LRTM2: variants seen among roughly 807,000 people sequenced by gnomAD.
LRTM2 encodes the protein leucine rich repeat transmembrane protein 2.
A neutral mutation model predicts 28.1 loss-of-function variants in LRTM2; 18 were observed. That is an observed-to-expected ratio of 0.64 (90% CI 0.44 to 0.95). LRTM2 has a LOEUF of 0.95. LRTM2 is among the 40% of genes least tolerant of loss of function. The pLI is 0.00. For synonymous variants in LRTM2, 250 were observed against 218.7 expected, an observed-to-expected ratio of 1.14 and a Z score of -1.26; for missense variants, 436 against 497.2, an observed-to-expected ratio of 0.88 and a Z score of 1.17.
chr12:1,831,397 A>C lies in LRTM2; in HGVS notation c.530A>C (p.Gln177Pro). Reference protein sequence around the residue: ...RSLSLRSNRLQNLDRLTFEPL... With the variant: ...RSLSLRSNRLPNLDRLTFEPL... ...CTCTCGCTTCGCTCCAACCGTCTGC[A>C]GAATCTGGACCGGCTGACATTTGAA... Residue 177 changes from glutamine to proline, a missense_variant, in exon 4 of 5, where the codon CAG becomes CCG. Physicochemically the swap from Gln to Pro is moderately conservative, Grantham distance 76. Transcript: ENST00000299194. The C allele has an allele frequency of 6.2e-7, 1 of 1,614,122 alleles. No homozygotes were observed. The highest frequency in any genetic ancestry group is 1.1e-5 in the South Asian group (1 of 91,078).
At position 1,833,367 on chromosome 12, in the gene LRTM2, G is replaced by C. The variant is rs1446281624; in HGVS notation, c.659-900G>C. Among the ~76,000 whole-genome samples the C allele has an allele frequency of 6.6e-6, 1 of 152,152 alleles. No homozygotes were observed. The highest frequency in any genetic ancestry group is 6.5e-5 in the Admixed American group (1 of 15,282). On this transcript the variant is annotated intron_variant, in intron 4 of 4. Transcript: ENST00000299194. The surrounding 1 kb of genome is among the most constrained non-coding windows in gnomAD (Gnocchi z 4.2). Reference sequence around the variant, plus strand: ...GCCAGAATCCAACTTTCACTTCCTAGGGGAGGTCTAGACAGATTATTGTCC... The same window carrying C: ...GCCAGAATCCAACTTTCACTTCCTACGGGAGGTCTAGACAGATTATTGTCC...
At chr12:1,827,832 A>T in intron 2 of LRTM2, 2 of 338,714 alleles carry the variant, frequency 5.9e-6, no homozygotes, top group Non-Finnish European at 1.1e-5. Flanking sequence ...CCATGGGTGC[A>T]CCCCCAGCTT....
intron 1 of LRTM2, among the ~76,000 whole-genome samples, chr12:1,824,973 TG>T (rs1294005112): frequency 2.6e-5 from 4 of 152,236 alleles, no homozygotes; most frequent in Admixed American, 2.6e-4. Context: ...CAGGATTAGC[TG>T]CTAAGAGAGC....
At position 1,830,955 on chromosome 12, in the gene LRTM2, C is replaced by T. The variant is rs369692431; in HGVS notation, c.88C>T (p.Leu30=). The T allele has an allele frequency of 2.2e-5, 36 of 1,610,480 alleles. No homozygotes were observed. In the African/African-American group the frequency reaches 3.9e-4, roughly 17 times the overall value. The part of the protein sequence containing the change: ...QVSWITCWIA[L]YAVEALPTCP... ...CCAAGGGATCACCTGCTGGATCGCC[C>T]TGTATGCTGTGGAGGCCCTCCCCAC... Residue 30 remains leucine (L), a synonymous_variant, in exon 4 of 5, where the codon CTG becomes TTG. Coordinates refer to ENST00000299194, the MANE Select transcript of LRTM2 (RefSeq NM_001039029.3).
intron 1 of LRTM2, among the ~76,000 whole-genome samples, chr12:1,821,085 G>A (rs932672098): frequency 3.3e-5 from 5 of 152,308 alleles, no homozygotes; most frequent in Admixed American, 6.5e-5. Flanking sequence ...CAGCGCTGGC[G>A]CCAGATGACA....
Position 1,834,710 on chromosome 12 carries a change from T to C in LRTM2, c.1102T>C (p.Ser368Pro). The change falls in exon 5 of 5, where the codon TCT becomes CCT. Residue 368 changes from serine to proline, a missense_variant. Coordinates refer to ENST00000299194, the MANE Select transcript of LRTM2 (RefSeq NM_001039029.3). The surrounding 1 kb of genome is among the most constrained non-coding windows in gnomAD (Gnocchi z 7.6). ...GEHEDQKQISSVA is the reference protein window; with the variant it reads ...GEHEDQKQISPVA ...GCACGAGGACCAGAAGCAGATCTCT[T>C]CTGTGGCCTGAGCGCCCATCCCCAC... The C allele has an allele frequency of 6.3e-7, 1 of 1,593,192 alleles. No homozygotes were observed. The highest frequency in any genetic ancestry group is 1.3e-5 in the African/African-American group (1 of 74,716).
In LRTM2 at chr12:1,829,137, GC is replaced by G. The variant is rs1416125302; in HGVS notation, c.67+923del. 4.6e-5 allele frequency among the ~76,000 whole-genome samples: 7 copies of G among 152,176 alleles called. No individual in the cohort carries two copies. Among genetic ancestry groups the G allele is most frequent in the African/African-American group, 7.2e-5 (3 of 41,420 alleles). On this transcript the variant is annotated intron_variant, in intron 3 of 4. Transcript: ENST00000299194. The surrounding 1 kb of genome is among the most constrained non-coding windows in gnomAD (Gnocchi z 4.2). ...GGGCTTATGTTTTCTTGTCACTGGA[GC>G]TTTTATGCCACCTTGATCTCCAGGG...
chr12:1,821,450 T>C (rs1336425843), intron 1 of LRTM2, among the ~76,000 whole-genome samples: 2 of 152,138 alleles, frequency 1.3e-5, no homozygotes, highest in Non-Finnish European at 2.9e-5. Context: ...AGGGTGAGGC[T>C]GGGAGTGGGC....
Position 1,831,522 on chromosome 12 carries a change from C to A in LRTM2, c.655C>A (p.Arg219=). Residue 219 remains arginine (R), a synonymous_variant, in exon 4 of 5, where the codon CGA becomes AGA. Transcript: ENST00000299194. ...ACACTGGATGGAGTGGTTCTCCTAC[C>A]GAGGTGAGCGCAGCCGGCCCTGCTG... ...FKHWMEWFSY[R]GGRLDQLACT... is the part of the protein sequence containing the mutation. 1 of 1,610,986 alleles carries A rather than the reference C, an allele frequency of 6.2e-7. No individual in the cohort carries two copies. Among genetic ancestry groups the A allele is most frequent in the South Asian group, 1.1e-5 (1 of 90,940 alleles).
rs751381663 is a variant in LRTM2 at position 1,834,735 on chromosome 12, C to T, written c.*14C>T. The T allele has an allele frequency of 1.2e-5, 19 of 1,573,214 alleles. No individual in the cohort carries two copies. The highest frequency in any genetic ancestry group is 3.4e-5 in the Admixed American group (2 of 58,194). Reference sequence around the variant, plus strand: ...TCTGTGGCCTGAGCGCCCATCCCCACCCGGCCAGGTAGGAAGGGCGGGGAG... The same window carrying T: ...TCTGTGGCCTGAGCGCCCATCCCCATCCGGCCAGGTAGGAAGGGCGGGGAG... On this transcript the variant is annotated 3_prime_UTR_variant, in exon 5 of 5. Coordinates refer to ENST00000299194, the MANE Select transcript of LRTM2 (RefSeq NM_001039029.3). The surrounding 1 kb of genome is among the most constrained non-coding windows in gnomAD (Gnocchi z 7.6).
chr12:1,828,506 C>T lies in LRTM2; in HGVS notation c.67+291C>T, dbSNP rs899275637. 1.3e-5 allele frequency among the ~76,000 whole-genome samples: 2 copies of T among 152,230 alleles called. No individual in the cohort carries two copies. On this transcript the variant is annotated intron_variant, in intron 3 of 4. Coordinates refer to ENST00000299194, the MANE Select transcript of LRTM2 (RefSeq NM_001039029.3). The surrounding 1 kb of genome is among the most constrained non-coding windows in gnomAD (Gnocchi z 4.2). ...AGTCTCTGTGAGCTTGCTGGGGTCC[C>T]CAACAGGAGAAGAGCTCTGCTGGAA...
chr12:1,832,648 A>T (rs138194232), intron 4 of LRTM2, among the ~76,000 whole-genome samples: 6 of 152,330 alleles, frequency 3.9e-5, no homozygotes, highest in Non-Finnish European at 4.4e-5. Flanking sequence ...TGTTTTACAA[A>T]CTATAAAGTG....
Position 1,831,350 on chromosome 12 carries a change from C to T in LRTM2, c.483C>T (p.Asp161=), listed in dbSNP as rs1284340286. 37 of 1,613,876 alleles carry T rather than the reference C, an allele frequency of 2.3e-5. No individual in the cohort carries two copies. Among genetic ancestry groups the T allele is most frequent in the Non-Finnish European group, 2.9e-5 (34 of 1,180,032 alleles). ...GLAQLPPGLF[D]GLLALRSLSL... ...CCCAGTTGCCCCCTGGTCTTTTCGA[C>T]GGGCTCCTGGCTCTGCGCTCCCTCT... is the stretch of plus-strand genomic sequence containing the variant. Residue 161 remains aspartate, a synonymous_variant, in exon 4 of 5, where the codon GAC becomes GAT. Transcript: ENST00000299194.
At chr12:1,826,938 T>C (rs902804237) in intron 1 of LRTM2, among the ~76,000 whole-genome samples, 2 of 152,228 alleles carry the variant, frequency 1.3e-5, no homozygotes, top group African/African-American at 2.4e-5. Context: ...TTCACTCTGA[T>C]ATTGTCTCCT....
At position 1,829,587 on chromosome 12, in the gene LRTM2, G is replaced by GAGAGTCTCATCCTGTTCC. The variant is rs1864525294; in HGVS notation, c.68-1347_68-1330dup. 6.6e-6 allele frequency among the ~76,000 whole-genome samples: 1 copy of GAGAGTCTCATCCTGTTCC among 152,036 alleles called. No homozygotes were observed. The highest frequency in any genetic ancestry group is 2.4e-5 in the African/African-American group (1 of 41,418). On this transcript the variant is annotated intron_variant, in intron 3 of 4. Coordinates refer to ENST00000299194, the MANE Select transcript of LRTM2 (RefSeq NM_001039029.3). The surrounding 1 kb of genome is among the most constrained non-coding windows in gnomAD (Gnocchi z 4.2). The stretch of plus-strand genomic sequence containing the variant: ...CATCGATCCTCCAGGCAGGGAAGGG[G>GAGAGTCTCATCCTGTTCC]AGAGTCTCATCCTGTTCCTTCAAGC...
Position 1,825,970 on chromosome 12 carries a change from G to C in LRTM2, c.-258-1440G>C, listed in dbSNP as rs373277436. On this transcript the variant is annotated intron_variant, in intron 1 of 4. Transcript: ENST00000299194. ...TTGTGCTGAAGGTCAGGGCTCGAGGGACAGAGAGCGTGCACGCTGCTGTTT... is the reference window on the plus strand; with the variant it reads ...TTGTGCTGAAGGTCAGGGCTCGAGGCACAGAGAGCGTGCACGCTGCTGTTT... 3.3e-5 allele frequency among the ~76,000 whole-genome samples: 5 copies of C among 152,336 alleles called. No individual in the cohort carries two copies. The South Asian group carries it at 6.2e-4, about 19-fold the overall frequency.
At position 1,828,818 on chromosome 12, in the gene LRTM2, A is replaced by C. The variant is rs919049890; in HGVS notation, c.67+603A>C. The stretch of plus-strand genomic sequence containing the variant: ...AGACTGAGCCGTCCATTTACCAAAA[A>C]GGGGAGGAAGCGTGAATGAAGGCAA... On this transcript the variant is annotated intron_variant, in intron 3 of 4. Coordinates refer to ENST00000299194, the MANE Select transcript of LRTM2 (RefSeq NM_001039029.3). This position sits in a 1 kb window ranked among gnomAD's most constrained non-coding sequence, Gnocchi z 4.2. Among the ~76,000 whole-genome samples the C allele has an allele frequency of 3.9e-5, 6 of 152,208 alleles. No individual in the cohort carries two copies. The highest frequency in any genetic ancestry group is 7.3e-5 in the Non-Finnish European group (5 of 68,038).
chr12:1,826,505 C>G (rs986811078), intron 1 of LRTM2, among the ~76,000 whole-genome samples: 1 of 152,016 alleles, frequency 6.6e-6, no homozygotes, highest in South Asian at 2.1e-4. Flanking sequence ...GCTCCTCCAC[C>G]CCTCATGCCA....
Position 1,831,535 on chromosome 12 carries a change from G to T in LRTM2, c.658+10G>T. On this transcript the variant is annotated intron_variant, in intron 4 of 4. Coordinates refer to ENST00000299194, the MANE Select transcript of LRTM2 (RefSeq NM_001039029.3). Reference sequence around the variant, plus strand: ...TGGTTCTCCTACCGAGGTGAGCGCAGCCGGCCCTGCTGGGGCCCGAGGGAT... The same window carrying T: ...TGGTTCTCCTACCGAGGTGAGCGCATCCGGCCCTGCTGGGGCCCGAGGGAT... 2 of 1,606,124 alleles carry T rather than the reference G, an allele frequency of 1.2e-6. No homozygotes were observed. Among genetic ancestry groups the T allele is most frequent in the Non-Finnish European group, 8.5e-7 (1 of 1,175,174 alleles).
Sources: allele counts gnomAD v4.1 joint callset (sites outside exome capture counted in the v4.1 genomes callset), GRCh38; gene constraint gnomAD v4.1.1; non-coding constraint Gnocchi (gnomAD v3.1); transcripts MANE v1.5; gene names NCBI Gene and HGNC (gene_info 2026-07-23, HGNC 2026-07-21).